Variants in PABPC4L observed in about 807,000 individuals in gnomAD.
The protein encoded by PABPC4L is poly(A) binding protein cytoplasmic 4 like, also known as polyadenylate-binding protein 4-like.
For synonymous variants in PABPC4L, 169 were observed against 164.1 expected (o/e 1.03, Z -0.23); for missense variants, 452 against 451.4 (o/e 1.00, Z -0.01).
the PABPC4L span, among the ~76,000 whole-genome samples, chr4:133,948,725 AC>A: frequency 6.6e-6 from 1 of 152,166 alleles, no homozygotes; most frequent in East Asian, 1.9e-4. Flanking sequence ...AAATGGAACC[AC>A]CTGTGCCTGA....
chr4:134,032,156 C>T, the PABPC4L span, among the ~76,000 whole-genome samples: 4 of 151,806 alleles, frequency 2.6e-5, no homozygotes, highest in South Asian at 2.1e-4. Flanking sequence ...TGCTTTGACA[C>T]GGAACAACCC....
the PABPC4L span, among the ~76,000 whole-genome samples, chr4:134,060,717 T>A: frequency 4.6e-5 from 7 of 151,930 alleles, no homozygotes; most frequent in Admixed American, 4.6e-4. Context: ...ATGGTACATA[T>A]ACACAGGGAG....
chr4:133,977,073 C>A, the PABPC4L span, among the ~76,000 whole-genome samples: 1 of 152,058 alleles, frequency 6.6e-6, no homozygotes, highest in Non-Finnish European at 1.5e-5. Context: ...TTTAATCCAT[C>A]TTGAGTTAAT....
At chr4:134,192,032 G>A (rs1282028795), downstream of PABPC4L, among the ~76,000 whole-genome samples, 1 of 151,862 alleles carries the variant, frequency 6.6e-6, no homozygotes, top group Non-Finnish European at 1.5e-5. Flanking sequence ...ATAACCGAGA[G>A]AACTGAACAC....
chr4:134,097,153 G>A, the PABPC4L span, among the ~76,000 whole-genome samples: 1 of 151,976 alleles, frequency 6.6e-6, no homozygotes, highest in East Asian at 1.9e-4. Context: ...ATACACCTTG[G>A]CAAATTTTGC....
chr4:134,045,041 G>A, the PABPC4L span, among the ~76,000 whole-genome samples: 2 of 151,796 alleles, frequency 1.3e-5, no homozygotes, highest in South Asian at 2.1e-4. Context: ...TTTCTTCCAA[G>A]GACAGTTTTA....
At chr4:134,166,179 T>C in the PABPC4L span, among the ~76,000 whole-genome samples, 14 of 152,090 alleles carry the variant, frequency 9.2e-5, no homozygotes, top group African/African-American at 3.1e-4. Context: ...TTGGATACAA[T>C]GTACACTACT....
chr4:134,080,143 T>C, the PABPC4L span, among the ~76,000 whole-genome samples: 1 of 152,280 alleles, frequency 6.6e-6, no homozygotes, highest in African/African-American at 2.4e-5. Context: ...TTTCAGAACA[T>C]TTGGAAAAAT....
At chr4:134,153,784 C>A in the PABPC4L span, among the ~76,000 whole-genome samples, 4 of 146,904 alleles carry the variant, frequency 2.7e-5, no homozygotes, top group East Asian at 8.0e-4. Context: ...GTAGCTGGGA[C>A]TACCGGGCAT....
At chr4:134,128,673 A>G in the PABPC4L span, among the ~76,000 whole-genome samples, 1 of 152,164 alleles carries the variant, frequency 6.6e-6, no homozygotes, top group Non-Finnish European at 1.5e-5. Flanking sequence ...ATCTTGAAAC[A>G]AATCCTCAAA....
At chr4:134,018,051 A>C in the PABPC4L span, among the ~76,000 whole-genome samples, 9 of 152,010 alleles carry the variant, frequency 5.9e-5, no homozygotes, top group South Asian at 2.1e-4. Flanking sequence ...CCGGTTCCTG[A>C]CTTAACTGAT....
the PABPC4L span, among the ~76,000 whole-genome samples, chr4:134,130,249 C>A: frequency 6.6e-6 from 1 of 151,712 alleles, no homozygotes; most frequent in Admixed American, 6.6e-5. Flanking sequence ...AAACCTGATT[C>A]TTTGAAAAAT....
the PABPC4L span, among the ~76,000 whole-genome samples, chr4:133,975,199 TG>T: frequency 2.0e-5 from 3 of 152,080 alleles, no homozygotes; most frequent in Non-Finnish European, 4.4e-5. Flanking sequence ...TATCACAACA[TG>T]AATAAACCTT....
At chr4:134,009,383 T>C in the PABPC4L span, among the ~76,000 whole-genome samples, 1 of 151,998 alleles carries the variant, frequency 6.6e-6, no homozygotes. Context: ...CTATACTTAA[T>C]AGACTATAAA....
the PABPC4L span, among the ~76,000 whole-genome samples, chr4:134,114,262 A>G: frequency 2.0e-5 from 3 of 151,802 alleles, no homozygotes; most frequent in Non-Finnish European, 4.4e-5. Flanking sequence ...AATGTGAAAC[A>G]TCTTAATGGT....
chr4:134,008,078 C>T, the PABPC4L span, among the ~76,000 whole-genome samples: 1 of 151,570 alleles, frequency 6.6e-6, no homozygotes, highest in Middle Eastern at 3.2e-3. Flanking sequence ...ATCTAGTTTG[C>T]TATGTTGCTC....
chr4:134,080,608 A>G, the PABPC4L span, among the ~76,000 whole-genome samples: 1 of 152,204 alleles, frequency 6.6e-6, no homozygotes, highest in African/African-American at 2.4e-5. Flanking sequence ...TTATGAAATA[A>G]GAAGGAGTCA....
the PABPC4L span, among the ~76,000 whole-genome samples, chr4:134,152,698 T>A: frequency 6.6e-6 from 1 of 152,164 alleles, no homozygotes; most frequent in African/African-American, 2.4e-5. Context: ...CTTTACACCA[T>A]CCCTCCTTTG....
At chr4:134,023,803 A>G in the PABPC4L span, among the ~76,000 whole-genome samples, 4 of 152,224 alleles carry the variant, frequency 2.6e-5, no homozygotes, top group Admixed American at 1.3e-4. Flanking sequence ...CAAGAGTAAG[A>G]AGTCACAGAT....
Sources: gnomAD v4.1 joint callset for allele counts (sites outside exome capture counted in the v4.1 genomes callset) on GRCh38, gnomAD v4.1.1 for gene constraint, MANE v1.5 for transcripts, NCBI Gene and HGNC (gene_info 2026-07-23, HGNC 2026-07-21) for gene names.